The following MYO7B variants were observed in gnomAD, a reference collection of about 807,000 sequenced individuals.
MYO7B encodes unconventional myosin-VIIb.
Under a neutral mutation model 259.7 loss-of-function variants are expected in MYO7B, and 212 were observed. The ratio of observed to expected loss-of-function variants is 0.82; its 90% CI spans 0.73 to 0.91. MYO7B has a LOEUF of 0.91. MYO7B is among the 40% of genes least tolerant of loss of function. MYO7B has a pLI of 0.00. For missense variants in MYO7B, 2,732 were observed against 2,813.5 expected (o/e 0.97, Z 0.66); for synonymous variants, 1,197 against 1,166.4 (o/e 1.03, Z -0.54).
rs1681254025 is a variant in MYO7B at position 127,628,182 on chromosome 2, G to A, written c.4461-190G>A. 1.4e-6 allele frequency: 1 copy of A among 737,170 alleles called. No homozygotes were observed. 45.7% of individuals were successfully genotyped at this position (737,170 alleles called of 1,614,324 possible). On this transcript the variant is annotated intron_variant, in intron 33 of 47. Coordinates refer to ENST00000409816, the MANE Select transcript of MYO7B (RefSeq NM_001393586.1). This position sits in a 1 kb window ranked among gnomAD's most constrained non-coding sequence, Gnocchi z 4.8. The stretch of plus-strand genomic sequence containing the variant: ...GCTGCACCACTCTCAGCCTCCGAGA[G>A]GTCCTGTGCTCCGCCGTCCTTCATT...
intron 19 of MYO7B, among the ~76,000 whole-genome samples, chr2:127,598,378 C>T (rs1679846518): frequency 6.6e-6 from 1 of 152,160 alleles, no homozygotes; most frequent in Non-Finnish European, 1.5e-5. Context: ...GTGTGCTTGT[C>T]ATGTATGTGT....
At chr2:127,570,499 C>T (rs1678554041) in intron 6 of MYO7B, among the ~76,000 whole-genome samples, 1 of 152,232 alleles carries the variant, frequency 6.6e-6, no homozygotes, top group Admixed American at 6.5e-5. Context: ...CCCCGGTGAC[C>T]CCGGCCTCAG....
chr2:127,583,910 G>A (rs80141995), intron 12 of MYO7B, among the ~76,000 whole-genome samples: 22 of 152,244 alleles, frequency 1.4e-4, no homozygotes, highest in Middle Eastern at 3.4e-3. Context: ...TCTTTTTGAC[G>A]TGGGGTGGAG....
chr2:127,573,935 A>G lies in MYO7B; in HGVS notation c.608A>G (p.Lys203Arg). 1 of 1,614,090 alleles carries G rather than the reference A, an allele frequency of 6.2e-7. No homozygotes were observed. The change falls in exon 7 of 48, where the codon AAG (lysine) becomes AGG (arginine). Residue 203 changes from lysine (K) to arginine (R), a missense_variant. Lys to Arg is a conservative substitution (Grantham distance 26, BLOSUM62 2). This residue lies in a region of MYO7B where 1,906 missense variants were observed against 2,026.4 expected (regional missense o/e 0.94). Coordinates refer to ENST00000409816, the MANE Select transcript of MYO7B (RefSeq NM_001393586.1). ...TTACCTTCAGCCTTTGGAAATGCCAAGACAATCCGCAACGACAACTCAAGC... is the reference window on the plus strand; with the variant it reads ...TTACCTTCAGCCTTTGGAAATGCCAGGACAATCCGCAACGACAACTCAAGC... ...NPILEAFGNAKTIRNDNSSRF... is the reference protein window; with the variant it reads ...NPILEAFGNARTIRNDNSSRF...
chr2:127,575,411 G>A (rs1231399465), intron 7 of MYO7B, among the ~76,000 whole-genome samples: 1 of 152,022 alleles, frequency 6.6e-6, no homozygotes, highest in African/African-American at 2.4e-5. Context: ...AAGCAGGTGA[G>A]AAACAAGGCC....
chr2:127,625,539 A>G lies in MYO7B; in HGVS notation c.4215+4A>G. On this transcript the variant is annotated splice_donor_region_variant and intron_variant, in intron 31 of 47. Transcript: ENST00000409816. ...CGTCACTGCCGCCTGCGCCAAGGTC[A>G]GCCTGCATGCAGCTCAGGCACCCAC... is the stretch of plus-strand genomic sequence containing the variant. 1.3e-6 allele frequency: 2 copies of G among 1,595,186 alleles called. No individual in the cohort carries two copies. Among genetic ancestry groups the G allele is most frequent in the Admixed American group, 1.7e-5 (1 of 58,192 alleles).
intron 43 of MYO7B, 96 bp downstream of exon 43, chr2:127,635,322 G>C: frequency 8.3e-7 from 1 of 1,209,424 alleles, no homozygotes; most frequent in Non-Finnish European, 1.2e-6. Context: ...GGCAGGGCCA[G>C]CCTCAGCCCT....
chr2:127,637,248 T>G, intron 47 of MYO7B, 68 bp from the exon 48 acceptor site: 1 of 1,207,950 alleles, frequency 8.3e-7, no homozygotes, highest in Non-Finnish European at 1.2e-6. Context: ...GAGAAGGTGG[T>G]CCCTGAGTCC....
chr2:127,546,609 C>A lies in MYO7B; in HGVS notation c.-24+10778C>A, dbSNP rs891427104. ...TTCTGGTCCCTGAGATTAGGTAGGA[C>A]ACTGATCCCCGTAAGCTCAGCCACA... On this transcript the variant is annotated intron_variant, in intron 1 of 47. Coordinates refer to ENST00000409816, the MANE Select transcript of MYO7B (RefSeq NM_001393586.1). The surrounding 1 kb of genome is among the most constrained non-coding windows in gnomAD (Gnocchi z 4.2). Among the ~76,000 whole-genome samples the A allele has an allele frequency of 2.6e-5, 4 of 152,182 alleles. No homozygotes were observed. In the South Asian group the frequency reaches 6.2e-4, roughly 24 times the overall value.
At chr2:127,621,172 G>A (rs974901466) in intron 27 of MYO7B, among the ~76,000 whole-genome samples, 1 of 151,812 alleles carries the variant, frequency 6.6e-6, no homozygotes, top group Non-Finnish European at 1.5e-5. Context: ...CCCCAAGGCA[G>A]AAGAAATAAC....
chr2:127,544,946 C>T (rs556858924), intron 1 of MYO7B, among the ~76,000 whole-genome samples: 16 of 151,950 alleles, frequency 1.1e-4, no homozygotes, highest in East Asian at 1.9e-4. Context: ...AGGATGGTCT[C>T]GATCTCCTGA....
Position 127,636,902 on chromosome 2 carries a change from G to C in MYO7B, c.6316G>C (p.Glu2106Gln), listed in dbSNP as rs371622372. ...SLGRGSRLLC[E>Q]TSLGYKMDDL... ...GGGCCGTGGCAGCCGCCTGCTGTGC[G>C]AGACCTCCCTGGTGAGCTCAGGTTC... The change falls in exon 47 of 48, where the codon GAG becomes CAG. Residue 2106 changes from glutamate to glutamine, a missense_variant. Glu to Gln is a conservative substitution (Grantham distance 29). Around this residue, in one of 3 missense-constraint regions of MYO7B, gnomAD observed 821 missense variants for 769.3 expected, o/e 1.07. Transcript: ENST00000409816. The surrounding 1 kb of genome is among the most constrained non-coding windows in gnomAD (Gnocchi z 4.5). 1 of 1,612,668 alleles carries C rather than the reference G, an allele frequency of 6.2e-7. No individual in the cohort carries two copies. The highest frequency in any genetic ancestry group is 8.5e-7 in the Non-Finnish European group (1 of 1,179,866).
chr2:127,572,748 T>C (rs1215521334), intron 6 of MYO7B, among the ~76,000 whole-genome samples: 5 of 152,042 alleles, frequency 3.3e-5, no homozygotes, highest in African/African-American at 4.8e-5. Context: ...CTGGATTCTC[T>C]ATTATCTTCA....
chr2:127,606,041 C>G, intron 20 of MYO7B, 113 bp downstream of exon 20: 1 of 814,652 alleles, frequency 1.2e-6, no homozygotes, highest in Non-Finnish European at 2.0e-6. Context: ...CAGGAAGGAT[C>G]AAATCATTCA....
chr2:127,563,121 T>A (rs961032118), intron 2 of MYO7B, among the ~76,000 whole-genome samples: 1 of 152,338 alleles, frequency 6.6e-6, no homozygotes, highest in East Asian at 1.9e-4. Flanking sequence ...TTGTCCCCCA[T>A]CTAATTCCTG....
rs533376398 is a variant in MYO7B, at chr2:127,553,502, T to G, written c.-23-6198T>G. On this transcript the variant is annotated intron_variant, in intron 1 of 47. Coordinates refer to ENST00000409816, the MANE Select transcript of MYO7B (RefSeq NM_001393586.1). ...CTTGGTTAGGTATATGCTTAAGTAT[T>G]TTATTTTTTTGCAGCTATTGTAAAA... 7.9e-5 allele frequency among the ~76,000 whole-genome samples: 12 copies of G among 152,336 alleles called. No homozygotes were observed. In the East Asian group the frequency reaches 2.1e-3, roughly 27 times the overall value.
chr2:127,626,329 T>C (rs1004136113), intron 31 of MYO7B: 2 of 152,506 alleles, frequency 1.3e-5, no homozygotes, highest in African/African-American at 4.8e-5. Flanking sequence ...CGAGTCACAA[T>C]CCTGCAAGGC....
At chr2:127,617,658 G>A (rs111807330) in intron 26 of MYO7B, among the ~76,000 whole-genome samples, 15 of 149,588 alleles carry the variant, frequency 1.0e-4, no homozygotes, top group Admixed American at 5.3e-4. Flanking sequence ...GCCCGCCACC[G>A]CGCCCGGCTA....
chr2:127,550,294 A>C (rs190927616), intron 1 of MYO7B, among the ~76,000 whole-genome samples: 7 of 152,296 alleles, frequency 4.6e-5, no homozygotes, highest in African/African-American at 1.7e-4. Context: ...GGCCAGGCGC[A>C]GTGGCTCATG....
Sources: allele counts gnomAD v4.1 joint callset (sites outside exome capture counted in the v4.1 genomes callset), GRCh38; gene constraint gnomAD v4.1.1; regional missense constraint gnomAD v4.1.1; non-coding constraint Gnocchi (gnomAD v3.1); transcripts MANE v1.5; gene names NCBI Gene and HGNC (gene_info 2026-07-23, HGNC 2026-07-21).